The following POU6F2 variants were observed in gnomAD, a reference collection of about 807,000 sequenced individuals.
The protein encoded by POU6F2 is POU domain, class 6, transcription factor 2.
A neutral mutation model predicts 71.3 loss-of-function variants in POU6F2; 31 were observed. The observed-to-expected ratio is 0.43, with a 90% confidence interval of 0.33 to 0.59. POU6F2 has a LOEUF of 0.59. POU6F2 is among the 20% of genes least tolerant of loss of function. The pLI is 0.04. For missense variants in POU6F2, 783 were observed against 856.8 expected (o/e 0.91, Z 1.07); for synonymous variants, 347 against 355.7 (o/e 0.98, Z 0.27).
intron 2 of POU6F2, among the ~76,000 whole-genome samples, chr7:39,130,837 A>G (rs1792260330): frequency 6.6e-6 from 1 of 152,244 alleles, no homozygotes; most frequent in African/African-American, 2.4e-5. Context: ...TCACTGTTTA[A>G]TGAAAAGGGT....
At chr7:39,163,448 C>T (rs1208193425) in intron 2 of POU6F2, among the ~76,000 whole-genome samples, 1 of 152,162 alleles carries the variant, frequency 6.6e-6, no homozygotes, top group Admixed American at 6.5e-5. Context: ...TGGGGGCCTA[C>T]TCCCTGCTTT....
At chr7:39,463,510 G>A (rs761360921) in intron 9 of POU6F2, among the ~76,000 whole-genome samples, 1 of 152,124 alleles carries the variant, frequency 6.6e-6, no homozygotes, top group Non-Finnish European at 1.5e-5. Flanking sequence ...AGCCAGAACA[G>A]GAAAGTAGCA....
intron 5 of POU6F2, among the ~76,000 whole-genome samples, chr7:39,371,952 G>A (rs547392070): frequency 6.6e-6 from 1 of 152,240 alleles, no homozygotes; most frequent in African/African-American, 2.4e-5. Context: ...ATCTTGCTCT[G>A]TCACCCAGGC....
chr7:39,187,895 T>G (rs1376407213), intron 2 of POU6F2, among the ~76,000 whole-genome samples: 1 of 152,208 alleles, frequency 6.6e-6, no homozygotes, highest in East Asian at 1.9e-4. Flanking sequence ...CTGAGTTAAT[T>G]CTTACATATT....
intron 5 of POU6F2, among the ~76,000 whole-genome samples, chr7:39,341,236 G>A (rs1785911101): frequency 1.3e-5 from 2 of 152,236 alleles, no homozygotes; most frequent in South Asian, 4.1e-4. Flanking sequence ...TGGATTCTCA[G>A]TGGTGTGGCC....
intron 2 of POU6F2, among the ~76,000 whole-genome samples, chr7:39,169,016 T>C (rs1312223423): frequency 2.6e-5 from 4 of 152,232 alleles, no homozygotes; most frequent in Non-Finnish European, 5.9e-5. Context: ...TGGGATGCCC[T>C]ACCTCAGTAC....
intron 4 of POU6F2, among the ~76,000 whole-genome samples, chr7:39,284,146 T>C (rs1468577072): frequency 6.6e-5 from 10 of 152,194 alleles, no homozygotes; most frequent in Non-Finnish European, 1.5e-4. Flanking sequence ...AAGATAAATT[T>C]TTCTGATGTA....
At chr7:39,218,526 G>A (rs550073505) in intron 4 of POU6F2, among the ~76,000 whole-genome samples, 3 of 152,182 alleles carry the variant, frequency 2.0e-5, no homozygotes, top group Admixed American at 6.5e-5. Flanking sequence ...GCTCCCTCTC[G>A]GGAAAAGCTA....
rs576947830 is a variant in POU6F2 at position 39,467,103 on chromosome 7, A to G, written c.*2417A>G. On this transcript the variant is annotated 3_prime_UTR_variant, in exon 10 of 10. Coordinates refer to ENST00000518318, the MANE Select transcript of POU6F2 (RefSeq NM_001370959.1). The stretch of plus-strand genomic sequence containing the variant: ...GACAGGGAAAATATAAAATAAAAGT[A>G]ATCTTCCAGAGTGGAACAAAAAAGA... 2 of 152,384 alleles carry G rather than the reference A, an allele frequency of 1.3e-5. No homozygotes were observed. Among genetic ancestry groups the G allele is most frequent in the South Asian group, 4.1e-4 (2 of 4,830 alleles). 9.4% of individuals were successfully genotyped at this position (152,384 alleles called of 1,614,324 possible).
chr7:39,017,033 G>A lies in POU6F2; in HGVS notation c.105+38975G>A, dbSNP rs1469419691. ...AAGGCTGGAGGTGTTGCCCTCAGAT[G>A]CTCCTGTATGTATAAGGTTTTACAA... On this transcript the variant is annotated intron_variant, in intron 1 of 9. Transcript: ENST00000518318. 3.9e-5 allele frequency among the ~76,000 whole-genome samples: 6 copies of A among 152,232 alleles called. No homozygotes were observed. The East Asian group carries it at 1.2e-3, about 29-fold the overall frequency.
chr7:39,012,948 T>G (rs1400980584), intron 1 of POU6F2: 1 of 152,224 alleles, frequency 6.6e-6, no homozygotes, highest in East Asian at 1.9e-4. Flanking sequence ...CAGGGACATT[T>G]AAGTCTGCAG....
chr7:39,196,106 T>A (rs1466013236), intron 2 of POU6F2, among the ~76,000 whole-genome samples: 4 of 152,212 alleles, frequency 2.6e-5, no homozygotes, highest in Admixed American at 2.6e-4. Flanking sequence ...ATCTAGATCT[T>A]GTCCCCTTGT....
At chr7:39,403,888 C>T (rs1248051933) in intron 5 of POU6F2, among the ~76,000 whole-genome samples, 1 of 152,224 alleles carries the variant, frequency 6.6e-6, no homozygotes, top group African/African-American at 2.4e-5. Flanking sequence ...TACAGATTGG[C>T]TTGCACCCAC....
At chr7:39,409,883 T>C (rs1377007082) in intron 6 of POU6F2, among the ~76,000 whole-genome samples, 1 of 152,272 alleles carries the variant, frequency 6.6e-6, no homozygotes, top group Non-Finnish European at 1.5e-5. Flanking sequence ...TGAAGAATTT[T>C]ATTACTGCTC....
chr7:39,184,942 AAGTG>A (rs1793503393), intron 2 of POU6F2, among the ~76,000 whole-genome samples: 1 of 152,218 alleles, frequency 6.6e-6, no homozygotes, highest in African/African-American at 2.4e-5. Flanking sequence ...AAGCAAGAAA[AAGTG>A]AGTTATTGAT....
At chr7:39,221,958 A>G (rs530908762) in intron 4 of POU6F2, among the ~76,000 whole-genome samples, 1 of 152,300 alleles carries the variant, frequency 6.6e-6, no homozygotes, top group African/African-American at 2.4e-5. Flanking sequence ...ATCCTTAATA[A>G]ATTAACAAAT....
intron 4 of POU6F2, among the ~76,000 whole-genome samples, chr7:39,215,991 T>A (rs1217420447): frequency 6.6e-6 from 1 of 152,202 alleles, no homozygotes; most frequent in East Asian, 1.9e-4. Context: ...ATATGTTTTT[T>A]TCGTTACAAA....
intron 4 of POU6F2, among the ~76,000 whole-genome samples, chr7:39,297,057 C>T (rs1413118860): frequency 2.6e-5 from 4 of 152,038 alleles, no homozygotes; most frequent in Admixed American, 2.6e-4. Context: ...GCCTATGAGA[C>T]AAAAGAGTTA....
intron 1 of POU6F2, among the ~76,000 whole-genome samples, chr7:39,034,146 TGGA>T: frequency 6.6e-6 from 1 of 152,268 alleles, no homozygotes; most frequent in Middle Eastern, 3.4e-3. Context: ...TAAAACTGTG[TGGA>T]GAGGAGCTTT....
Sources: allele counts gnomAD v4.1 joint callset (sites outside exome capture counted in the v4.1 genomes callset), GRCh38; gene constraint gnomAD v4.1.1; transcripts MANE v1.5; gene names NCBI Gene and HGNC (gene_info 2026-07-23, HGNC 2026-07-21).